Variants in ECM2 observed in about 807,000 individuals in gnomAD.
The protein encoded by ECM2 is extracellular matrix protein 2, female organ and adipocyte specific.
In ECM2, 57 loss-of-function variants were observed where a neutral mutation model predicts 67.5. The ratio of observed to expected loss-of-function variants is 0.84; its 90% CI spans 0.68 to 1.05. The LOEUF is 1.05. Among genes scored for constraint, ECM2 ranks in the 50% least tolerant of loss-of-function variants. ECM2 has a pLI of 0.00. For synonymous variants in ECM2, 258 were observed against 294.5 expected, an observed-to-expected ratio of 0.88 and a Z score of 1.27; for missense variants, 741 against 822.8, an observed-to-expected ratio of 0.90 and a Z score of 1.22.
At chr9:92,531,145 T>C (rs1254970454) in intron 1 of ECM2, among the ~76,000 whole-genome samples, 1 of 152,162 alleles carries the variant, frequency 6.6e-6, no homozygotes, top group Non-Finnish European at 1.5e-5. Flanking sequence ...AATGTTTGAA[T>C]TGAAATATAC....
At chr9:92,516,133 G>A (rs1039613565) in intron 3 of ECM2, among the ~76,000 whole-genome samples, 6 of 150,030 alleles carry the variant, frequency 4.0e-5, no homozygotes, top group East Asian at 2.0e-4. Context: ...GCATGATCTC[G>A]GCTCACTGCA....
At chr9:92,495,231 A>T, downstream of ECM2, 1 of 620,806 alleles carries the variant, frequency 1.6e-6, no homozygotes. Flanking sequence ...TAGCCAAGAC[A>T]TAAAACTGAG....
intron 2 of ECM2, 51 bp downstream of exon 2, chr9:92,522,524 A>T: frequency 6.8e-7 from 1 of 1,474,710 alleles, no homozygotes; most frequent in East Asian, 2.4e-5. Flanking sequence ...TCCCCATACC[A>T]TCTCTCACCC....
the ECM2 span, among the ~76,000 whole-genome samples, chr9:92,552,173 A>G: frequency 8.0e-6 from 1 of 124,968 alleles, no homozygotes; most frequent in African/African-American, 3.7e-5. Flanking sequence ...TATATGTGAT[A>G]TGATAGATCT....
At chr9:92,502,427 A>T (rs1846734851) in intron 8 of ECM2, 86 bp downstream of exon 8, 13 of 1,503,998 alleles carry the variant, frequency 8.6e-6, no homozygotes, top group Non-Finnish European at 1.2e-5. Flanking sequence ...TCCCTCACTT[A>T]TCCCATTCCC....
chr9:92,519,904 CAT>C (rs1847954752), intron 2 of ECM2, among the ~76,000 whole-genome samples: 1 of 151,138 alleles, frequency 6.6e-6, no homozygotes, highest in Admixed American at 6.6e-5. Context: ...TATGTGAAAT[CAT>C]ATATCTGATA....
chr9:92,536,559 T>C (rs1396243713), upstream of ECM2: 1 of 152,644 alleles, frequency 6.6e-6, no homozygotes, highest in African/African-American at 2.4e-5. Flanking sequence ...CATGAAATAA[T>C]AGAAAGAAAA....
At chr9:92,507,311 ACATCTT>A (rs1847066204) in intron 6 of ECM2, among the ~76,000 whole-genome samples, 2 of 152,230 alleles carry the variant, frequency 1.3e-5, no homozygotes, top group East Asian at 3.8e-4. Context: ...TGAGAATCTG[ACATCTT>A]TCTCTAGTAC....
intron 9 of ECM2, among the ~76,000 whole-genome samples, chr9:92,498,310 G>A (rs867760063): frequency 6.6e-6 from 1 of 152,108 alleles, no homozygotes; most frequent in African/African-American, 2.4e-5. Flanking sequence ...AATCATAGAC[G>A]TTGGGGGAGG....
chr9:92,527,043 C>T lies in ECM2; in HGVS notation c.-27-4150G>A, dbSNP rs184326556. Among the ~76,000 whole-genome samples the T allele has an allele frequency of 1.4e-4, 22 of 152,312 alleles. No individual in the cohort carries two copies. The East Asian group carries it at 3.9e-3, about 27-fold the overall frequency. On this transcript the variant is annotated intron_variant, in intron 1 of 9. Coordinates refer to ENST00000344604, the MANE Select transcript of ECM2 (RefSeq NM_001393.4). ...ATTTATTTAGAGACAGGGTCTGGCT[C>T]TGCCACCCAGGCTGGAGTGCAGTGG...
chr9:92,493,944 G>A (rs1564351597), downstream of ECM2: 3 of 660,110 alleles, frequency 4.5e-6, no homozygotes, highest in Non-Finnish European at 7.5e-6. Context: ...TGGATCTGCT[G>A]TTAATCCAGG....
chr9:92,502,661 A>G lies in ECM2; in HGVS notation c.1465-9T>C. 1 of 1,538,980 alleles carries G rather than the reference A, an allele frequency of 6.5e-7. No individual in the cohort carries two copies. Among genetic ancestry groups the G allele is most frequent in the Non-Finnish European group, 8.9e-7 (1 of 1,128,094 alleles). On this transcript the variant is annotated splice_polypyrimidine_tract_variant and intron_variant, in intron 7 of 9. Coordinates refer to ENST00000344604, the MANE Select transcript of ECM2 (RefSeq NM_001393.4). Reference sequence around the variant, plus strand: ...TTTTCTAGGTATAATTCCTATAATTAAGAGAGAAGACTATTATTTTTCTTT... The same window carrying G: ...TTTTCTAGGTATAATTCCTATAATTGAGAGAGAAGACTATTATTTTTCTTT...
chr9:92,525,031 G>A (rs1848305828), intron 1 of ECM2, among the ~76,000 whole-genome samples: 1 of 152,202 alleles, frequency 6.6e-6, no homozygotes, highest in Non-Finnish European at 1.5e-5. Context: ...TACCTGAGAG[G>A]CCAGGCACTG....
At chr9:92,493,593 T>A (rs1846230979), downstream of ECM2, 1 of 152,656 alleles carries the variant, frequency 6.6e-6, no homozygotes, top group Admixed American at 6.5e-5. Flanking sequence ...TGTATATGTG[T>A]GTTAGTAATT....
Position 92,495,965 on chromosome 9 carries a change from C to T in ECM2, c.*350G>A. 2 of 989,062 alleles carry T rather than the reference C, an allele frequency of 2.0e-6. No individual in the cohort carries two copies. Among genetic ancestry groups the T allele is most frequent in the Non-Finnish European group, 2.4e-6 (2 of 832,506 alleles). 61.3% of individuals were successfully genotyped at this position (989,062 alleles called of 1,614,324 possible). On this transcript the variant is annotated 3_prime_UTR_variant, in exon 10 of 10. Transcript: ENST00000344604. ...AAAAGATACATAATTTTTAAAGGGA[C>T]TTACAGAGTTCTCAGCTAACACCAG...
At chr9:92,505,074 G>A (rs1379186853) in intron 7 of ECM2, among the ~76,000 whole-genome samples, 1 of 152,188 alleles carries the variant, frequency 6.6e-6, no homozygotes, top group Non-Finnish European at 1.5e-5. Flanking sequence ...GGCCTTCTTT[G>A]TACAACACTT....
chr9:92,500,061 G>A (rs532393948), intron 9 of ECM2, among the ~76,000 whole-genome samples: 72 of 152,214 alleles, frequency 4.7e-4, no homozygotes, highest in Non-Finnish European at 2.5e-4. Flanking sequence ...ATATATTTAC[G>A]TTTTATGCTT....
chr9:92,521,724 T>C (rs1423311696), intron 2 of ECM2, among the ~76,000 whole-genome samples: 2 of 152,194 alleles, frequency 1.3e-5, no homozygotes, highest in Non-Finnish European at 2.9e-5. Context: ...CTTTAAAAAG[T>C]CAGTGGTTTA....
Position 92,496,193 on chromosome 9 carries a change from A to G in ECM2, c.*122T>C. 1 of 1,407,736 alleles carries G rather than the reference A, an allele frequency of 7.1e-7. No homozygotes were observed. Among genetic ancestry groups the G allele is most frequent in the African/African-American group, 1.5e-5 (1 of 67,276 alleles). The allele number at this position is 1,407,736 out of a possible 1,614,324, so 87.2% of individuals were successfully genotyped here. On this transcript the variant is annotated 3_prime_UTR_variant, in exon 10 of 10. Coordinates refer to ENST00000344604, the MANE Select transcript of ECM2 (RefSeq NM_001393.4). ...TTGTTCATCTGTGTGTTAGTGAATC[A>G]GGTTGACTAGCATATAATGATACTG... is the stretch of plus-strand genomic sequence containing the variant.
Sources: allele counts gnomAD v4.1 joint callset (sites outside exome capture counted in the v4.1 genomes callset), GRCh38; gene constraint gnomAD v4.1.1; transcripts MANE v1.5; gene names NCBI Gene and HGNC (gene_info 2026-07-23, HGNC 2026-07-21).